ELP4: variants seen among roughly 807,000 people sequenced by gnomAD.
The protein encoded by ELP4 is elongator complex protein 4.
A neutral mutation model predicts 48.9 loss-of-function variants in ELP4; 51 were observed. That is an observed-to-expected ratio of 1.04 (90% CI 0.83 to 1.32). The LOEUF (loss-of-function observed/expected upper bound fraction) is 1.32, where lower values mean the gene tolerates loss of function less well. Among genes scored for constraint, ELP4 ranks in the 40% most tolerant of loss-of-function variants. The probability of loss-of-function intolerance (pLI) is 0.00; values close to 1 mark genes in which losing one functional copy is unlikely to be tolerated. For synonymous variants in ELP4, 210 were observed against 189.2 expected, an observed-to-expected ratio of 1.11 and a Z score of -0.90; for missense variants, 519 against 514.6, an observed-to-expected ratio of 1.01 and a Z score of -0.08.
At chr11:31,536,405 G>A (rs1303661346) in intron 2 of ELP4, among the ~76,000 whole-genome samples, 2 of 152,154 alleles carry the variant, frequency 1.3e-5, no homozygotes, top group Non-Finnish European at 2.9e-5. Context: ...AGGCTGGAGT[G>A]CAGTGGCGTA....
chr11:31,524,809 C>T (rs2133885133), intron 2 of ELP4, among the ~76,000 whole-genome samples: 1 of 152,188 alleles, frequency 6.6e-6, no homozygotes, highest in South Asian at 2.1e-4. Flanking sequence ...CATGGCAAAA[C>T]CCTGTTTCTA....
At chr11:31,576,047 T>A (rs1006248395) in intron 3 of ELP4, among the ~76,000 whole-genome samples, 2 of 152,066 alleles carry the variant, frequency 1.3e-5, no homozygotes, top group Non-Finnish European at 2.9e-5. Context: ...AGGAGACCCA[T>A]CTCACATGCA....
At chr11:31,547,924 C>CA (rs1419945369) in intron 3 of ELP4, among the ~76,000 whole-genome samples, 6 of 152,054 alleles carry the variant, frequency 3.9e-5, no homozygotes, top group Admixed American at 6.6e-5. Flanking sequence ...AGGCCTTTGA[C>CA]AAAATTCAAC....
intron 3 of ELP4, among the ~76,000 whole-genome samples, chr11:31,592,578 A>ATATATG (rs1298909383): frequency 3.3e-5 from 5 of 149,916 alleles, no homozygotes; most frequent in African/African-American, 1.2e-4. Context: ...AAGAAACCTT[A>ATATATG]TATATGTATA....
rs151119306 is a variant in ELP4, at chr11:31,775,873, G to A, written c.1144-7520G>A. Among the ~76,000 whole-genome samples the A allele has an allele frequency of 9.9e-3, 1,506 of 152,258 alleles. 10 individuals are homozygous for A. Among genetic ancestry groups the A allele is most frequent in the Admixed American group, 0.017 (262 of 15,292 alleles). ...CCAGCTACTTGGGAGACTGAGGCAG[G>A]AGAATTGCTTGAACCCAGGAGGTGG... is the stretch of plus-strand genomic sequence containing the variant. On this transcript the variant is annotated intron_variant, in intron 9 of 9. Coordinates refer to ENST00000640961, the MANE Select transcript of ELP4 (RefSeq NM_019040.5).
At chr11:31,603,490 GA>G (rs543297659) in intron 4 of ELP4, among the ~76,000 whole-genome samples, 6 of 151,012 alleles carry the variant, frequency 4.0e-5, no homozygotes, top group Non-Finnish European at 5.9e-5. Context: ...ACAGTATAAT[GA>G]AAAAAAACCA....
chr11:31,643,593 G>C (rs1295709822), intron 7 of ELP4, among the ~76,000 whole-genome samples: 1 of 151,766 alleles, frequency 6.6e-6, no homozygotes, highest in African/African-American at 2.4e-5. Context: ...ATTTTTATTA[G>C]AAAATTGTAG....
chr11:31,583,148 C>G (rs1957417707), intron 3 of ELP4, among the ~76,000 whole-genome samples: 1 of 152,090 alleles, frequency 6.6e-6, no homozygotes, highest in Non-Finnish European at 1.5e-5. Flanking sequence ...AAAAATTTTT[C>G]AACCAACCCT....
At chr11:31,778,016 G>T (rs538795319) in intron 9 of ELP4, among the ~76,000 whole-genome samples, 1 of 152,178 alleles carries the variant, frequency 6.6e-6, no homozygotes, top group African/African-American at 2.4e-5. Flanking sequence ...ATAGGATGGC[G>T]TGCCTTTTGA....
At chr11:31,598,042 G>T (rs1156870907) in intron 4 of ELP4, among the ~76,000 whole-genome samples, 1 of 127,976 alleles carries the variant, frequency 7.8e-6, no homozygotes, top group Non-Finnish European at 1.6e-5. Context: ...CGCAACCTCC[G>T]CCTCCCGGGT....
At chr11:31,565,062 C>T (rs952019383) in intron 3 of ELP4, among the ~76,000 whole-genome samples, 10 of 152,294 alleles carry the variant, frequency 6.6e-5, no homozygotes, top group Admixed American at 6.5e-4. Context: ...TTTTAATGAT[C>T]ACCATTCTAA....
chr11:31,698,716 A>C (rs1313428930), intron 9 of ELP4, among the ~76,000 whole-genome samples: 8 of 152,040 alleles, frequency 5.3e-5, no homozygotes, highest in Non-Finnish European at 1.0e-4. Flanking sequence ...CTGACCTGGA[A>C]ATTTTAAATT....
At chr11:31,517,374 G>T (rs1430474439) in intron 1 of ELP4, among the ~76,000 whole-genome samples, 4 of 151,906 alleles carry the variant, frequency 2.6e-5, no homozygotes, top group African/African-American at 7.3e-5. Flanking sequence ...TTGTTGGCCA[G>T]GATGGTCTCG....
intron 9 of ELP4, chr11:31,714,773 AC>A: frequency 2.5e-6 from 1 of 398,558 alleles, no homozygotes; most frequent in Non-Finnish European, 4.4e-6. Flanking sequence ...AAAGCGAGCA[AC>A]ATTGGGTTTG....
chr11:31,763,436 A>T, intron 9 of ELP4: 1 of 1,608,646 alleles, frequency 6.2e-7, no homozygotes, highest in Non-Finnish European at 8.5e-7. Flanking sequence ...TACTTGAGAC[A>T]AGAGAGGAAC....
intron 9 of ELP4, chr11:31,779,946 G>T (rs1948334582): frequency 6.6e-6 from 1 of 152,218 alleles, no homozygotes; most frequent in South Asian, 2.1e-4. Flanking sequence ...AGCTCAAGAA[G>T]TAAGATATGG....
At chr11:31,745,702 A>G (rs1205668396) in intron 9 of ELP4, among the ~76,000 whole-genome samples, 1 of 152,222 alleles carries the variant, frequency 6.6e-6, no homozygotes, top group East Asian at 1.9e-4. Context: ...AGAAAGCTGA[A>G]ACTGGATCCC....
intron 7 of ELP4, among the ~76,000 whole-genome samples, chr11:31,639,248 T>G (rs1042719320): frequency 1.8e-4 from 27 of 151,994 alleles, no homozygotes; most frequent in Middle Eastern, 3.4e-3. Flanking sequence ...TATAAGAAAT[T>G]TACGTATTTA....
intron 1 of ELP4, among the ~76,000 whole-genome samples, chr11:31,518,109 CT>C (rs111515643): frequency 1.3e-3 from 181 of 142,610 alleles, no homozygotes; most frequent in Non-Finnish European, 1.4e-3. Context: ...TCTTTTTTTT[CT>C]TTTTTTTTTT....
Sources: allele counts gnomAD v4.1 joint callset (sites outside exome capture counted in the v4.1 genomes callset), GRCh38; gene constraint gnomAD v4.1.1; transcripts MANE v1.5; gene names NCBI Gene and HGNC (gene_info 2026-07-23, HGNC 2026-07-21).